FJX1: variants seen among roughly 807,000 people sequenced by gnomAD.
The protein encoded by FJX1 is four-jointed box kinase 1.
A neutral mutation model predicts 28.7 loss-of-function variants in FJX1; 21 were observed. That is an observed-to-expected ratio of 0.73 (90% CI 0.52 to 1.05). The LOEUF (loss-of-function observed/expected upper bound fraction) is 1.05, where lower values mean the gene tolerates loss of function less well. Among genes scored for constraint, FJX1 ranks in the 50% least tolerant of loss-of-function variants. The pLI, the probability that FJX1 is intolerant of heterozygous loss-of-function variation, is 0.00. For missense variants in FJX1, 683 were observed against 647.2 expected, an observed-to-expected ratio of 1.06 and a Z score of -0.60; for synonymous variants, 363 against 310.0, an observed-to-expected ratio of 1.17 and a Z score of -1.80.
In FJX1 at chr11:35,618,903, C is replaced by T. The variant is rs1489836163; in HGVS notation, c.267C>T (p.Gly89=). The T allele has an allele frequency of 4.4e-5, 62 of 1,396,456 alleles. No individual in the cohort carries two copies. The highest frequency in any genetic ancestry group is 5.1e-5 in the Non-Finnish European group (55 of 1,080,086). The allele number at this position is 1,396,456 out of a possible 1,614,324, so 86.5% of individuals were successfully genotyped here. A position where few individuals can be genotyped will look rare whatever the true frequency, so the allele number is the denominator to read the frequency against. Residue 89 remains glycine, a synonymous_variant, in exon 1 of 1, where the codon GGC becomes GGT. Coordinates refer to ENST00000317811, the MANE Select transcript of FJX1 (RefSeq NM_014344.4). This position sits in a 1 kb window ranked among gnomAD's most constrained non-coding sequence, Gnocchi z 4.2. ...TFRALLTLAA[G]ADGPPRQSRS... is the part of the protein sequence containing the mutation. ...GGGCGCTGCTCACCCTGGCGGCCGG[C>T]GCGGACGGCCCGCCCCGGCAGTCCC...
At position 35,620,056 on chromosome 11, in the gene FJX1, G is replaced by T. The variant is rs1850881761; in HGVS notation, c.*106G>T. ...GGGACCAGCCGGCCAACGCCCACCC[G>T]CAAAGGTGTCTAAAAACTTCAGCTT... On this transcript the variant is annotated 3_prime_UTR_variant, in exon 1 of 1. Transcript: ENST00000317811. 2.0e-6 allele frequency: 3 copies of T among 1,482,820 alleles called. No homozygotes were observed. The highest frequency in any genetic ancestry group is 2.6e-5 in the South Asian group (2 of 77,392). The allele number at this position is 1,482,820 out of a possible 1,614,324, so 91.9% of individuals were successfully genotyped here.
rs929304926 is a variant in FJX1 at position 35,618,471 on chromosome 11, C to G, written c.-166C>G. 2.4e-5 allele frequency: 14 copies of G among 583,378 alleles called. No homozygotes were observed. The highest frequency in any genetic ancestry group is 3.1e-5 in the Non-Finnish European group (14 of 448,556). 36.1% of individuals were successfully genotyped at this position (583,378 alleles called of 1,614,324 possible). A position where few individuals can be genotyped will look rare whatever the true frequency, so the allele number is the denominator to read the frequency against. On this transcript the variant is annotated 5_prime_UTR_variant, in exon 1 of 1. Transcript: ENST00000317811. This position sits in a 1 kb window ranked among gnomAD's most constrained non-coding sequence, Gnocchi z 4.2. Reference sequence around the variant, plus strand: ...GCGGCGGGGACTCGAGTTCCCAGCGCCGGGCGGAGCGCCGGACAGAGCCCC... The same window carrying G: ...GCGGCGGGGACTCGAGTTCCCAGCGGCGGGCGGAGCGCCGGACAGAGCCCC...
chr11:35,618,909 C>T lies in FJX1; in HGVS notation c.273C>T (p.Asp91=). ...RALLTLAAGA[D]GPPRQSRSEP... ...TGCTCACCCTGGCGGCCGGCGCGGA[C>T]GGCCCGCCCCGGCAGTCCCGGAGCG... The change falls in exon 1 of 1, where the codon GAC becomes GAT. Residue 91 remains aspartate (D), a synonymous_variant. Transcript: ENST00000317811. The surrounding 1 kb of genome is among the most constrained non-coding windows in gnomAD (Gnocchi z 4.2). 2 of 1,400,444 alleles carry T rather than the reference C, an allele frequency of 1.4e-6. No homozygotes were observed. The highest frequency in any genetic ancestry group is 3.1e-5 in the East Asian group (1 of 32,302). 86.8% of individuals were successfully genotyped at this position (1,400,444 alleles called of 1,614,324 possible).
Position 35,620,045 on chromosome 11 carries a change from A to C in FJX1, c.*95A>C. 1 of 1,512,322 alleles carries C rather than the reference A, an allele frequency of 6.6e-7. No individual in the cohort carries two copies. Among genetic ancestry groups the C allele is most frequent in the Non-Finnish European group, 8.9e-7 (1 of 1,129,536 alleles). The allele number at this position is 1,512,322 out of a possible 1,614,324, so 93.7% of individuals were successfully genotyped here. Reference sequence around the variant, plus strand: ...TGCCACTGTCAGGGACCAGCCGGCCAACGCCCACCCGCAAAGGTGTCTAAA... The same window carrying C: ...TGCCACTGTCAGGGACCAGCCGGCCCACGCCCACCCGCAAAGGTGTCTAAA... On this transcript the variant is annotated 3_prime_UTR_variant, in exon 1 of 1. Coordinates refer to ENST00000317811, the MANE Select transcript of FJX1 (RefSeq NM_014344.4).
chr11:35,619,966 A>AAG lies in FJX1; in HGVS notation c.*24_*25dup. The AAG allele has an allele frequency of 6.3e-7, 1 of 1,580,470 alleles. No individual in the cohort carries two copies. Among genetic ancestry groups the AAG allele is most frequent in the Non-Finnish European group, 8.6e-7 (1 of 1,164,374 alleles). ...TGGGACTTAGTGTCACCGGGAGGAA[A>AAG]AGAGAGAGATCTGGGGCTGGGGTAT... On this transcript the variant is annotated 3_prime_UTR_variant, in exon 1 of 1. Transcript: ENST00000317811. This position sits in a 1 kb window ranked among gnomAD's most constrained non-coding sequence, Gnocchi z 7.6.
chr11:35,618,983 C>G lies in FJX1; in HGVS notation c.347C>G (p.Ala116Gly). 2 of 1,476,136 alleles carry G rather than the reference C, an allele frequency of 1.4e-6. No homozygotes were observed. Among genetic ancestry groups the G allele is most frequent in the Non-Finnish European group, 1.8e-6 (2 of 1,122,434 alleles). 91.4% of individuals were successfully genotyped at this position (1,476,136 alleles called of 1,614,324 possible). ...SARQPRPEES[A>G]AVHGGVFWSR... ...AGGCAGCCCCGGCCGGAGGAGAGCG[C>G]CGCGGTGCACGGGGGCGTCTTCTGG... The change falls in exon 1 of 1, where the codon GCC becomes GGC. Residue 116 changes from alanine (A) to glycine (G), a missense_variant. Transcript: ENST00000317811. The surrounding 1 kb of genome is among the most constrained non-coding windows in gnomAD (Gnocchi z 4.2).
Position 35,618,854 on chromosome 11 carries a change from G to A in FJX1, c.218G>A (p.Arg73His), listed in dbSNP as rs1393175700. 4 of 1,349,166 alleles carry A rather than the reference G, an allele frequency of 3.0e-6. No homozygotes were observed. In the East Asian group the frequency reaches 9.6e-5, roughly 32 times the overall value. 83.6% of individuals were successfully genotyped at this position (1,349,166 alleles called of 1,614,324 possible). The change falls in exon 1 of 1, where the codon CGC (arginine) becomes CAC (histidine). Residue 73 changes from arginine to histidine, a missense_variant. By Grantham distance (29) the Arg-to-His change is conservative. Transcript: ENST00000317811. The surrounding 1 kb of genome is among the most constrained non-coding windows in gnomAD (Gnocchi z 4.2). ...CCCCCGCCCCTGGCGTGGGACGCCC[G>A]CGGCGGCTCCCTGAAAACTTTCCGG... ...PLPPPLAWDA[R>H]GGSLKTFRAL...
In FJX1 at chr11:35,619,851, T is replaced by C. The variant is rs1161339733; in HGVS notation, c.1215T>C (p.Leu405=). 6.4e-7 allele frequency: 1 copy of C among 1,556,972 alleles called. No individual in the cohort carries two copies. Among genetic ancestry groups the C allele is most frequent in the South Asian group, 1.2e-5 (1 of 84,374 alleles). ...HEPRFPELAA[L]ADPHAQLLQR... is the part of the protein sequence containing the mutation. Reference sequence around the variant, plus strand: ...CTCGCTTCCCCGAGCTGGCCGCCCTTGCAGACCCCCACGCTCAGCTGCTAC... The same window carrying C: ...CTCGCTTCCCCGAGCTGGCCGCCCTCGCAGACCCCCACGCTCAGCTGCTAC... Residue 405 remains leucine (L), a synonymous_variant, in exon 1 of 1, where the codon CTT becomes CTC. Transcript: ENST00000317811. The surrounding 1 kb of genome is among the most constrained non-coding windows in gnomAD (Gnocchi z 7.6).
chr11:35,618,910 G>T lies in FJX1; in HGVS notation c.274G>T (p.Gly92Cys), dbSNP rs1195806721. ...ALLTLAAGAD[G>C]PPRQSRSEPR... ...GCTCACCCTGGCGGCCGGCGCGGACGGCCCGCCCCGGCAGTCCCGGAGCGA... is the reference window on the plus strand; with the variant it reads ...GCTCACCCTGGCGGCCGGCGCGGACTGCCCGCCCCGGCAGTCCCGGAGCGA... Residue 92 changes from glycine to cysteine, a missense_variant, in exon 1 of 1, where the codon GGC becomes TGC. Coordinates refer to ENST00000317811, the MANE Select transcript of FJX1 (RefSeq NM_014344.4). This position sits in a 1 kb window ranked among gnomAD's most constrained non-coding sequence, Gnocchi z 4.2. 3.6e-6 allele frequency: 5 copies of T among 1,401,756 alleles called. No individual in the cohort carries two copies. Among genetic ancestry groups the T allele is most frequent in the Non-Finnish European group, 4.6e-6 (5 of 1,082,894 alleles). 86.8% of individuals were successfully genotyped at this position (1,401,756 alleles called of 1,614,324 possible). A position where few individuals can be genotyped will look rare whatever the true frequency, so the allele number is the denominator to read the frequency against.
chr11:35,618,651 GC>G lies in FJX1; in HGVS notation c.16del (p.Arg6GlyfsTer72). 8.2e-7 allele frequency: 1 copy of G among 1,212,232 alleles called. No homozygotes were observed. Among genetic ancestry groups the G allele is most frequent in the South Asian group, 2.6e-5 (1 of 38,680 alleles). The allele number at this position is 1,212,232 out of a possible 1,614,324, so 75.1% of individuals were successfully genotyped here. A position where few individuals can be genotyped will look rare whatever the true frequency, so the allele number is the denominator to read the frequency against. On this transcript the variant is annotated frameshift_variant, in exon 1 of 1. Transcript: ENST00000317811. LOFTEE classifies it high-confidence loss of function. The surrounding 1 kb of genome is among the most constrained non-coding windows in gnomAD (Gnocchi z 4.2). Reference sequence around the variant, plus strand: ...GCCGCGGGAGCATGGGCAGGAGGATGCGGGGCGCCGCCGCCACCGCGGGGCT... The same window carrying G: ...GCCGCGGGAGCATGGGCAGGAGGATGGGGGCGCCGCCGCCACCGCGGGGCT... MGRRM[R>X]GAAATAGLWL...
At position 35,620,386 on chromosome 11, in the gene FJX1, G is replaced by A. The variant is rs928813053; in HGVS notation, c.*436G>A. 1.1e-5 allele frequency: 3 copies of A among 273,378 alleles called. No homozygotes were observed. The highest frequency in any genetic ancestry group is 2.2e-5 in the Non-Finnish European group (3 of 134,072). The allele number at this position is 273,378 out of a possible 1,614,324, so 16.9% of individuals were successfully genotyped here. A position where few individuals can be genotyped will look rare whatever the true frequency, so the allele number is the denominator to read the frequency against. ...TTTTCTACCAAACAGAGCGCTGGTG[G>A]CCCCGGAGCAGGGCTGTGACATTGG... On this transcript the variant is annotated 3_prime_UTR_variant, in exon 1 of 1. Transcript: ENST00000317811.
In FJX1 at chr11:35,619,633, G is replaced by A; in HGVS notation, c.997G>A (p.Ala333Thr). 4.3e-6 allele frequency: 7 copies of A among 1,610,766 alleles called. No homozygotes were observed. Among genetic ancestry groups the A allele is most frequent in the Non-Finnish European group, 5.9e-6 (7 of 1,179,778 alleles). Residue 333 changes from alanine to threonine, a missense_variant, in exon 1 of 1, where the codon GCG becomes ACG. Coordinates refer to ENST00000317811, the MANE Select transcript of FJX1 (RefSeq NM_014344.4). The surrounding 1 kb of genome is among the most constrained non-coding windows in gnomAD (Gnocchi z 7.6). ...TSNLHRGPGG[A>T]LVFLDNEAGL... ...CAACCTGCACCGCGGTCCGGGCGGG[G>A]CGCTGGTCTTTCTGGACAATGAGGC...
chr11:35,619,496 T>C lies in FJX1; in HGVS notation c.860T>C (p.Val287Ala). ...AGCCAGGCGGAGCTGGTGGACCTAGTACAATGGACCGACTTAATCCTTTTC... is the reference window on the plus strand; with the variant it reads ...AGCCAGGCGGAGCTGGTGGACCTAGCACAATGGACCGACTTAATCCTTTTC... ...NLSQAELVDL[V>A]QWTDLILFDY... is the part of the protein sequence containing the mutation. Residue 287 changes from valine (V) to alanine (A), a missense_variant, in exon 1 of 1, where the codon GTA becomes GCA. By Grantham distance (64) the Val-to-Ala change is moderately conservative. Transcript: ENST00000317811. This position sits in a 1 kb window ranked among gnomAD's most constrained non-coding sequence, Gnocchi z 7.6. 1 of 1,599,446 alleles carries C rather than the reference T, an allele frequency of 6.3e-7. No homozygotes were observed. Among genetic ancestry groups the C allele is most frequent in the Non-Finnish European group, 8.5e-7 (1 of 1,179,718 alleles).
chr11:35,619,798 C>A lies in FJX1; in HGVS notation c.1162C>A (p.Leu388Met). Residue 388 changes from leucine to methionine, a missense_variant, in exon 1 of 1, where the codon CTG becomes ATG. Coordinates refer to ENST00000317811, the MANE Select transcript of FJX1 (RefSeq NM_014344.4). This position sits in a 1 kb window ranked among gnomAD's most constrained non-coding sequence, Gnocchi z 7.6. Reference sequence around the variant, plus strand: ...CCGCGGACAGGACGCCGCGGCCCGGCTGCTGCGCCTCTACCGGCGCCACGA... The same window carrying A: ...CCGCGGACAGGACGCCGCGGCCCGGATGCTGCGCCTCTACCGGCGCCACGA... ...LHRGQDAAAR[L>M]LRLYRRHEPR... is the part of the protein sequence containing the mutation. The A allele has an allele frequency of 1.9e-6, 3 of 1,550,054 alleles. No homozygotes were observed. Among genetic ancestry groups the A allele is most frequent in the Non-Finnish European group, 2.6e-6 (3 of 1,147,292 alleles).
rs554882026 is a variant in FJX1 at position 35,619,778 on chromosome 11, G to C, written c.1142G>C (p.Gly381Ala). The C allele has an allele frequency of 1.3e-6, 2 of 1,551,706 alleles. No individual in the cohort carries two copies. Among genetic ancestry groups the C allele is most frequent in the South Asian group, 1.2e-5 (1 of 84,398 alleles). ...CGGCGCGTCCTGGAGCTGCACCGCG[G>C]ACAGGACGCCGCGGCCCGGCTGCTG... Reference protein sequence around the residue: ...TARRVLELHRGQDAAARLLRL... With the variant: ...TARRVLELHRAQDAAARLLRL... Residue 381 changes from glycine to alanine, a missense_variant, in exon 1 of 1, where the codon GGA becomes GCA. By Grantham distance (60) the Gly-to-Ala change is moderately conservative. Transcript: ENST00000317811. The surrounding 1 kb of genome is among the most constrained non-coding windows in gnomAD (Gnocchi z 7.6).
rs545848130 is a variant in FJX1 at position 35,620,062 on chromosome 11, G to C, written c.*112G>C. On this transcript the variant is annotated 3_prime_UTR_variant, in exon 1 of 1. Transcript: ENST00000317811. Reference sequence around the variant, plus strand: ...AGCCGGCCAACGCCCACCCGCAAAGGTGTCTAAAAACTTCAGCTTTTCACC... The same window carrying C: ...AGCCGGCCAACGCCCACCCGCAAAGCTGTCTAAAAACTTCAGCTTTTCACC... 257 of 1,479,350 alleles carry C rather than the reference G, an allele frequency of 1.7e-4. 2 individuals carry two copies. In the South Asian group the frequency reaches 2.8e-3, roughly 16 times the overall value. 91.6% of individuals were successfully genotyped at this position (1,479,350 alleles called of 1,614,324 possible). A position where few individuals can be genotyped will look rare whatever the true frequency, so the allele number is the denominator to read the frequency against.
In FJX1 at chr11:35,619,413, C is replaced by G; in HGVS notation, c.777C>G (p.Arg259=). 6.3e-7 allele frequency: 1 copy of G among 1,597,212 alleles called. No individual in the cohort carries two copies. Among genetic ancestry groups the G allele is most frequent in the Non-Finnish European group, 8.5e-7 (1 of 1,179,124 alleles). Residue 259 remains arginine, a synonymous_variant, in exon 1 of 1, where the codon CGC becomes CGG. Coordinates refer to ENST00000317811, the MANE Select transcript of FJX1 (RefSeq NM_014344.4). This position sits in a 1 kb window ranked among gnomAD's most constrained non-coding sequence, Gnocchi z 7.6. ...ACGTGGTGGTGCCCGCGCCCTGGCG[C>G]TCGGAGGACGGCCGTCTGCGCCCCC... The part of the protein sequence containing the change: ...LTDVVVPAPW[R]SEDGRLRPLR...
chr11:35,620,507 G>C lies in FJX1; in HGVS notation c.*557G>C, dbSNP rs1289671051. On this transcript the variant is annotated 3_prime_UTR_variant, in exon 1 of 1. Transcript: ENST00000317811. ...GGGGGACGGCTCGCGATAGGACAAA[G>C]AGAGCAGGACCTCCAGACTCTGGGG... 4 of 191,790 alleles carry C rather than the reference G, an allele frequency of 2.1e-5. No homozygotes were observed. Among genetic ancestry groups the C allele is most frequent in the African/African-American group, 9.6e-5 (4 of 41,544 alleles). The allele number at this position is 191,790 out of a possible 1,614,324, so 11.9% of individuals were successfully genotyped here.
In FJX1 at chr11:35,619,320, G is replaced by T. The variant is rs1382351788; in HGVS notation, c.684G>T (p.Glu228Asp). 6.4e-7 allele frequency: 1 copy of T among 1,560,624 alleles called. No individual in the cohort carries two copies. Among genetic ancestry groups the T allele is most frequent in the East Asian group, 2.4e-5 (1 of 42,184 alleles). Residue 228 changes from glutamate to aspartate, a missense_variant, in exon 1 of 1, where the codon GAG becomes GAT. Coordinates refer to ENST00000317811, the MANE Select transcript of FJX1 (RefSeq NM_014344.4). This position sits in a 1 kb window ranked among gnomAD's most constrained non-coding sequence, Gnocchi z 7.6. ...RGAQWAQVQE[E>D]LRAAHWTEGS... ...CGCAGTGGGCGCAGGTGCAGGAGGA[G>T]CTGCGCGCTGCGCACTGGACCGAGG...
Sources: gnomAD v4.1 joint callset for allele counts on GRCh38, gnomAD v4.1.1 for gene constraint, Gnocchi (gnomAD v3.1) non-coding constraint, MANE v1.5 for transcripts, NCBI Gene and HGNC (gene_info 2026-07-23, HGNC 2026-07-21) for gene names.